DLGAP1: variants seen among roughly 807,000 people sequenced by gnomAD.
DLGAP1 encodes DLG associated protein 1.
A neutral mutation model predicts 90.8 loss-of-function variants in DLGAP1; 11 were observed. The ratio of observed to expected loss-of-function variants is 0.12; its 90% CI spans 0.08 to 0.20. The LOEUF is 0.20. Among genes scored for constraint, DLGAP1 ranks in the 10% least tolerant of loss-of-function variants. The pLI is 1.00. For missense variants in DLGAP1, 1,050 were observed against 1,333.8 expected (o/e 0.79, Z 3.31); for synonymous variants, 558 against 540.7 (o/e 1.03, Z -0.44).
At chr18:3,860,806 T>C (rs569319375) in intron 4 of DLGAP1, among the ~76,000 whole-genome samples, 14 of 152,308 alleles carry the variant, frequency 9.2e-5, no homozygotes, top group South Asian at 2.1e-4. Flanking sequence ...GGCTGAACTA[T>C]TGAGAGATTA....
intron 5 of DLGAP1, among the ~76,000 whole-genome samples, chr18:3,767,512 A>G (rs1021339658): frequency 1.3e-5 from 2 of 152,142 alleles, no homozygotes; most frequent in African/African-American, 4.8e-5. Context: ...AACATTGGCA[A>G]ATAGAATTCA....
intron 3 of DLGAP1, among the ~76,000 whole-genome samples, chr18:3,883,748 G>T (rs1325573480): frequency 6.6e-6 from 1 of 152,232 alleles, no homozygotes; most frequent in Admixed American, 6.5e-5. Context: ...CCCAATAGTT[G>T]GGGGGACCAT....
At chr18:3,788,087 C>A (rs2065543895) in intron 5 of DLGAP1, among the ~76,000 whole-genome samples, 1 of 152,160 alleles carries the variant, frequency 6.6e-6, no homozygotes, top group Non-Finnish European at 1.5e-5. Context: ...ATTGGATTCC[C>A]CTAAGAAGAA....
At chr18:4,275,482 T>C (rs763196360) in intron 1 of DLGAP1, 7 of 152,262 alleles carry the variant, frequency 4.6e-5, no homozygotes, top group Admixed American at 2.0e-4. Context: ...TTTTTCTATG[T>C]TGAATAACAT....
intron 9 of DLGAP1, among the ~76,000 whole-genome samples, chr18:3,564,051 C>T (rs2054297204): frequency 6.6e-6 from 1 of 152,184 alleles, no homozygotes; most frequent in Non-Finnish European, 1.5e-5. Flanking sequence ...TTCCAACATT[C>T]CTGCCATATT....
At position 3,614,197 on chromosome 18, in the gene DLGAP1, G is replaced by A. The variant is rs577384662; in HGVS notation, c.1592-31949C>T. Among the ~76,000 whole-genome samples the A allele has an allele frequency of 4.9e-5, 4 of 82,256 alleles. No individual in the cohort carries two copies. The East Asian group carries it at 1.8e-3, about 37-fold the overall frequency. The allele number at this position is 82,256 out of a possible 152,430, so 54.0% of individuals were successfully genotyped here. A position where few individuals can be genotyped will look rare whatever the true frequency, so the allele number is the denominator to read the frequency against. On this transcript the variant is annotated intron_variant, in intron 7 of 12. Transcript: ENST00000315677. ...GGCCTCCCAAAGTGCTAGGATTACAGGCGAGCCACCGTGCCTGGCCAGTTG... is the reference window on the plus strand; with the variant it reads ...GGCCTCCCAAAGTGCTAGGATTACAAGCGAGCCACCGTGCCTGGCCAGTTG...
chr18:3,519,953 G>A (rs1277737698), intron 10 of DLGAP1, among the ~76,000 whole-genome samples: 1 of 152,122 alleles, frequency 6.6e-6, no homozygotes, highest in Non-Finnish European at 1.5e-5. Flanking sequence ...CTAGATGACA[G>A]GTTGATAGGT....
chr18:3,610,958 C>T (rs2057586094), intron 7 of DLGAP1, among the ~76,000 whole-genome samples: 1 of 150,354 alleles, frequency 6.7e-6, no homozygotes, highest in Non-Finnish European at 1.5e-5. Context: ...GACTCATGCA[C>T]ATGTGTGCAC....
At chr18:3,907,864 G>A (rs914749470) in intron 3 of DLGAP1, among the ~76,000 whole-genome samples, 5 of 152,198 alleles carry the variant, frequency 3.3e-5, no homozygotes, top group Non-Finnish European at 7.3e-5. Flanking sequence ...TGCTCAGTGA[G>A]CCTCCCAGCA....
rs1418489741 is a variant in DLGAP1, at chr18:3,653,706, T to C, written c.1592-71458A>G. On this transcript the variant is annotated intron_variant, in intron 7 of 12. Coordinates refer to ENST00000315677, the MANE Select transcript of DLGAP1 (RefSeq NM_004746.4). The surrounding 1 kb of genome is among the most constrained non-coding windows in gnomAD (Gnocchi z 4.6). ...CTTGAAAAGAATAAGAGAATCTACC[T>C]AAAATATTAATACTAGTTTCAGAGC... 6.6e-6 allele frequency: 1 copy of C among 152,154 alleles called. No individual in the cohort carries two copies. Among genetic ancestry groups the C allele is most frequent in the Non-Finnish European group, 1.5e-5 (1 of 68,020 alleles). 9.4% of individuals were successfully genotyped at this position (152,154 alleles called of 1,614,324 possible). A position where few individuals can be genotyped will look rare whatever the true frequency, so the allele number is the denominator to read the frequency against.
chr18:3,813,123 C>T (rs941906050), intron 5 of DLGAP1, among the ~76,000 whole-genome samples: 5 of 152,152 alleles, frequency 3.3e-5, no homozygotes, highest in Non-Finnish European at 5.9e-5. Flanking sequence ...TGTTTACAAA[C>T]AGCACAAATA....
rs569195315 is a variant in DLGAP1 at position 4,039,027 on chromosome 18, C to T, written c.-158-33826G>A. Among the ~76,000 whole-genome samples the T allele has an allele frequency of 3.0e-4, 46 of 151,740 alleles. 1 individual carries two copies. Among genetic ancestry groups the T allele is most frequent in the South Asian group, 1.5e-3 (7 of 4,816 alleles). On this transcript the variant is annotated intron_variant, in intron 2 of 12. Transcript: ENST00000315677. ...AAGCACACAGAGGAAAACGGCAGCA[C>T]GAGGAAAAAGAGGGTTAACTTGATC...
chr18:3,512,133 G>A (rs1433721173), intron 10 of DLGAP1, among the ~76,000 whole-genome samples: 1 of 151,920 alleles, frequency 6.6e-6, no homozygotes. Context: ...TCTCCCTTAG[G>A]GCACATTCAA....
At chr18:4,283,828 A>T (rs12963904) in intron 1 of DLGAP1, among the ~76,000 whole-genome samples, 52,923 of 152,006 alleles carry the variant, frequency 0.35, 10,764 homozygotes, top group African/African-American at 0.57. Flanking sequence ...AAACTATGTA[A>T]AACTGTAACT....
intron 7 of DLGAP1, among the ~76,000 whole-genome samples, chr18:3,666,037 A>C (rs2059869087): frequency 6.6e-6 from 1 of 152,142 alleles, no homozygotes; most frequent in Non-Finnish European, 1.5e-5. Flanking sequence ...CTCCAACCGC[A>C]GAGGCAGCTG....
At chr18:3,675,550 T>C (rs1368005969) in intron 7 of DLGAP1, among the ~76,000 whole-genome samples, 1 of 152,200 alleles carries the variant, frequency 6.6e-6, no homozygotes, top group Admixed American at 6.5e-5. Flanking sequence ...TCTCCAAAGA[T>C]CTGTTGCTAA....
chr18:3,580,386 C>T (rs1395478584), intron 8 of DLGAP1: 9 of 1,613,814 alleles, frequency 5.6e-6, no homozygotes, highest in Non-Finnish European at 7.6e-6. Flanking sequence ...AGCCACATAC[C>T]TAAGCACCAG....
intron 2 of DLGAP1, among the ~76,000 whole-genome samples, chr18:4,111,106 G>A (rs1459582187): frequency 2.0e-5 from 3 of 151,988 alleles, no homozygotes; most frequent in South Asian, 2.1e-4. Context: ...CCAGTTTGTC[G>A]GTTTTTATCG....
chr18:3,955,906 GA>G (rs889222785), intron 3 of DLGAP1, among the ~76,000 whole-genome samples: 3 of 152,142 alleles, frequency 2.0e-5, no homozygotes, highest in African/African-American at 7.2e-5. Flanking sequence ...AAAACACATA[GA>G]AAAAAGAACA....
Sources: gnomAD v4.1 joint callset for allele counts (sites outside exome capture counted in the v4.1 genomes callset) on GRCh38, gnomAD v4.1.1 for gene constraint, Gnocchi (gnomAD v3.1) non-coding constraint, MANE v1.5 for transcripts, NCBI Gene and HGNC (gene_info 2026-07-23, HGNC 2026-07-21) for gene names.